Variants in CENPP observed in about 807,000 individuals in gnomAD.
The protein encoded by CENPP is centromere protein P.
CENPP carries 24 observed loss-of-function variants against 35.6 expected under a neutral mutation model. The ratio of observed to expected loss-of-function variants is 0.67; its 90% CI spans 0.49 to 0.95. The LOEUF is 0.95. CENPP is among the 40% of genes least tolerant of loss of function. CENPP has a pLI of 0.00. For synonymous variants in CENPP, 120 were observed against 125.5 expected, an observed-to-expected ratio of 0.96 and a Z score of 0.29; for missense variants, 332 against 345.3, an observed-to-expected ratio of 0.96 and a Z score of 0.31.
At chr9:92,535,741 G>GTA in intron 5 of CENPP, among the ~76,000 whole-genome samples, 1 of 151,862 alleles carries the variant, frequency 6.6e-6, no homozygotes, top group South Asian at 2.1e-4. Context: ...TTAATACTAA[G>GTA]TATACAAGGT....
At chr9:92,596,846 T>C (rs1195074898) in intron 5 of CENPP, among the ~76,000 whole-genome samples, 1 of 151,560 alleles carries the variant, frequency 6.6e-6, no homozygotes, top group Non-Finnish European at 1.5e-5. Flanking sequence ...TAATAAAAAA[T>C]GAGGCATAGG....
At chr9:92,378,099 G>C (rs1432828590) in intron 4 of CENPP, among the ~76,000 whole-genome samples, 1 of 152,122 alleles carries the variant, frequency 6.6e-6, no homozygotes. Flanking sequence ...GGTGTCAGTT[G>C]GGGCTAGCTG....
intron 5 of CENPP, among the ~76,000 whole-genome samples, chr9:92,534,139 T>G (rs1250427926): frequency 6.6e-6 from 1 of 152,214 alleles, no homozygotes; most frequent in Admixed American, 6.5e-5. Context: ...CATTTCTGTC[T>G]TCTCTTTGTC....
chr9:92,386,298 T>A, intron 5 of CENPP: 1 of 1,605,316 alleles, frequency 6.2e-7, no homozygotes, highest in East Asian at 2.2e-5. Flanking sequence ...ATTCAGTTTC[T>A]GTAAGGAAAA....
At chr9:92,393,323 T>C (rs1842764633) in intron 5 of CENPP, 3 of 1,069,786 alleles carry the variant, frequency 2.8e-6, no homozygotes, top group Non-Finnish European at 2.7e-6. Flanking sequence ...TTATTGCTAT[T>C]ATGAATGCTA....
chr9:92,356,066 T>C (rs1304832951), intron 4 of CENPP, among the ~76,000 whole-genome samples: 2 of 152,202 alleles, frequency 1.3e-5, no homozygotes, highest in Admixed American at 6.5e-5. Context: ...CTGATTGATA[T>C]TGTCAGTCAG....
intron 6 of CENPP, among the ~76,000 whole-genome samples, chr9:92,612,082 A>G (rs1032083599): frequency 6.6e-6 from 1 of 152,196 alleles, no homozygotes; most frequent in African/African-American, 2.4e-5. Flanking sequence ...TCAGCTCTGG[A>G]GCACGTGGCT....
At chr9:92,437,965 A>C (rs1365408288) in intron 5 of CENPP, among the ~76,000 whole-genome samples, 1 of 149,698 alleles carries the variant, frequency 6.7e-6, no homozygotes, top group African/African-American at 2.5e-5. Context: ...GTGCCTCCAC[A>C]CCTGGCTAAT....
chr9:92,462,676 AAAAT>A (rs1168245512), intron 5 of CENPP, among the ~76,000 whole-genome samples: 1 of 152,240 alleles, frequency 6.6e-6, no homozygotes, highest in Non-Finnish European at 1.5e-5. Context: ...TTTGAATTTT[AAAAT>A]AAATAAACTA....
intron 5 of CENPP, 133 bp from the exon 6 acceptor site, chr9:92,611,181 G>A (rs1851229941): frequency 2.8e-6 from 2 of 709,144 alleles, no homozygotes; most frequent in Non-Finnish European, 5.0e-6. Context: ...AGGGGCGGTT[G>A]GCACCCATGG....
chr9:92,444,184 T>A (rs1054228186), intron 5 of CENPP, among the ~76,000 whole-genome samples: 77 of 152,326 alleles, frequency 5.1e-4, no homozygotes, highest in African/African-American at 1.8e-3. Context: ...CAAATTATAA[T>A]CATAGCATAT....
At chr9:92,597,825 C>T (rs1850818721) in intron 5 of CENPP, among the ~76,000 whole-genome samples, 1 of 152,172 alleles carries the variant, frequency 6.6e-6, no homozygotes, top group Admixed American at 6.5e-5. Flanking sequence ...ACATTCCAAT[C>T]TGAAGCATTC....
intron 4 of CENPP, among the ~76,000 whole-genome samples, chr9:92,360,431 G>C (rs113560918): frequency 3.9e-5 from 6 of 152,230 alleles, no homozygotes; most frequent in African/African-American, 1.4e-4. Flanking sequence ...GCTTATTGTA[G>C]TGGGGTGCAC....
intron 4 of CENPP, among the ~76,000 whole-genome samples, chr9:92,352,539 A>ATATATATATATATATAAT (rs1186628278): frequency 1.9e-5 from 2 of 105,444 alleles, no homozygotes; most frequent in Non-Finnish European, 3.7e-5. Flanking sequence ...ATATATATAT[A>ATATATATATATATATAAT]ATATAACGGG....
chr9:92,325,770 TAGAC>T (rs1840437421), upstream of CENPP: 5 of 527,706 alleles, frequency 9.5e-6, no homozygotes, highest in East Asian at 1.7e-4. Flanking sequence ...AGCCACTGCT[TAGAC>T]AGCCAGGGAA....
chr9:92,348,393 CTTTT>C (rs201975799), intron 4 of CENPP, among the ~76,000 whole-genome samples: 2 of 141,282 alleles, frequency 1.4e-5, no homozygotes, highest in African/African-American at 2.6e-5. Context: ...CTTCCTATAA[CTTTT>C]TTTTTTTTTT....
At chr9:92,426,053 G>C (rs1195764119) in intron 5 of CENPP, among the ~76,000 whole-genome samples, 1 of 152,130 alleles carries the variant, frequency 6.6e-6, no homozygotes, top group Non-Finnish European at 1.5e-5. Context: ...GATAACTAGA[G>C]CAGACAGAAT....
chr9:92,395,156 T>C (rs1452115460), intron 5 of CENPP, among the ~76,000 whole-genome samples: 1 of 152,172 alleles, frequency 6.6e-6, no homozygotes, highest in East Asian at 1.9e-4. Context: ...TTAACATACC[T>C]GTCACTCCAA....
chr9:92,530,248 G>A (rs545207287), intron 5 of CENPP, among the ~76,000 whole-genome samples: 20 of 152,202 alleles, frequency 1.3e-4, no homozygotes, highest in Non-Finnish European at 2.2e-4. Context: ...CAAGAATACA[G>A]AGTAACAAGA....
Sources: allele counts gnomAD v4.1 joint callset (sites outside exome capture counted in the v4.1 genomes callset), GRCh38; gene constraint gnomAD v4.1.1; transcripts MANE v1.5; gene names NCBI Gene and HGNC (gene_info 2026-07-23, HGNC 2026-07-21).